LPP: variants seen among roughly 807,000 people sequenced by gnomAD.
The protein encoded by LPP is LIM domain containing preferred translocation partner in lipoma.
LPP carries 38 observed loss-of-function variants against 60.4 expected under a neutral mutation model. The observed-to-expected ratio is 0.63, with a 90% CI of 0.49 to 0.83. LPP has a LOEUF of 0.83. LPP is among the 40% of genes least tolerant of loss of function. The pLI, the probability that LPP is intolerant of heterozygous loss-of-function variation, is 0.00. For synonymous variants in LPP, 328 were observed against 290.8 expected (o/e 1.13, Z -1.30); for missense variants, 902 against 783.6 (o/e 1.15, Z -1.80).
At chr3:188,722,138 A>G (rs1716666936) in intron 8 of LPP, among the ~76,000 whole-genome samples, 1 of 152,152 alleles carries the variant, frequency 6.6e-6, no homozygotes, top group Non-Finnish European at 1.5e-5. Flanking sequence ...CCTGAGGTTT[A>G]TGAGAGGGTC....
At chr3:188,378,665 T>G (rs899820159) in intron 3 of LPP, among the ~76,000 whole-genome samples, 1 of 152,128 alleles carries the variant, frequency 6.6e-6, no homozygotes, top group African/African-American at 2.4e-5. Context: ...AATTCCTGGG[T>G]GAGGTGATGC....
chr3:188,612,333 C>T (rs1164571831), intron 7 of LPP, among the ~76,000 whole-genome samples: 1 of 152,096 alleles, frequency 6.6e-6, no homozygotes, highest in Non-Finnish European at 1.5e-5. Context: ...GGGTGGGTTC[C>T]TTCACAGTTG....
chr3:188,422,876 A>G (rs1057320823), intron 4 of LPP, among the ~76,000 whole-genome samples: 2 of 145,936 alleles, frequency 1.4e-5, no homozygotes, highest in African/African-American at 5.2e-5. Context: ...AGGTTACGCT[A>G]ATGTTCCTTA....
At chr3:188,349,203 A>T (rs948616720) in intron 3 of LPP, among the ~76,000 whole-genome samples, 5 of 152,200 alleles carry the variant, frequency 3.3e-5, no homozygotes, top group Admixed American at 1.3e-4. Flanking sequence ...AAAAAAATTT[A>T]AAAAGCCTGA....
At chr3:188,289,254 A>G (rs1304126085) in intron 2 of LPP, among the ~76,000 whole-genome samples, 1 of 152,190 alleles carries the variant, frequency 6.6e-6, no homozygotes, top group Non-Finnish European at 1.5e-5. Flanking sequence ...TGTTTTACAG[A>G]CTAGCTCAGA....
chr3:188,634,456 C>T (rs528813129), intron 7 of LPP, among the ~76,000 whole-genome samples: 33 of 152,288 alleles, frequency 2.2e-4, no homozygotes, highest in Non-Finnish European at 4.1e-4. Context: ...GCCCAACCCC[C>T]GGGCCATGGA....
intron 6 of LPP, among the ~76,000 whole-genome samples, chr3:188,603,153 T>TA (rs1361021202): frequency 2.0e-5 from 3 of 151,998 alleles, no homozygotes; most frequent in Non-Finnish European, 4.4e-5. Flanking sequence ...GCTGCCTTTT[T>TA]AACAGAGTAA....
chr3:188,274,526 A>G (rs1022106529), intron 2 of LPP, among the ~76,000 whole-genome samples: 5 of 152,288 alleles, frequency 3.3e-5, no homozygotes, highest in African/African-American at 1.2e-4. Flanking sequence ...TGGTGCCTTT[A>G]TCAACTTGTC....
chr3:188,724,218 G>A (rs943623858), intron 8 of LPP, among the ~76,000 whole-genome samples: 5 of 152,012 alleles, frequency 3.3e-5, no homozygotes, highest in East Asian at 1.9e-4. Flanking sequence ...TAATTTTCCC[G>A]GAATCTAGTA....
intron 8 of LPP, among the ~76,000 whole-genome samples, chr3:188,745,502 C>G (rs1178322876): frequency 3.3e-5 from 5 of 152,158 alleles, no homozygotes. Flanking sequence ...GCACTTCTGT[C>G]TTACTGCTCT....
At chr3:188,777,451 T>C (rs570932424) in intron 9 of LPP, among the ~76,000 whole-genome samples, 4 of 152,308 alleles carry the variant, frequency 2.6e-5, no homozygotes, top group Admixed American at 2.0e-4. Flanking sequence ...CATCAGTATT[T>C]GGGAAACTCA....
chr3:188,673,555 T>C (rs568682670), intron 7 of LPP, among the ~76,000 whole-genome samples: 27 of 152,234 alleles, frequency 1.8e-4, no homozygotes, highest in Non-Finnish European at 3.2e-4. Context: ...TTTTAAAACA[T>C]TATGGGTAGG....
intron 1 of LPP, among the ~76,000 whole-genome samples, chr3:188,164,209 A>G (rs928008135): frequency 9.2e-5 from 14 of 152,168 alleles, no homozygotes; most frequent in Non-Finnish European, 1.9e-4. Context: ...TTAGACCAGG[A>G]TTCAGCAGGC....
rs746634512 is a variant in LPP, at chr3:188,879,924, T to C, written c.*5445T>C. ...AAGGACACTAATTTCCTTTTCTATT[T>C]AATTTTCCTGGCCCTTGTGCAAAAA... On this transcript the variant is annotated 3_prime_UTR_variant, in exon 12 of 12. Transcript: ENST00000617246. 1.7e-3 allele frequency: 303 copies of C among 182,324 alleles called. 2 individuals are homozygous for C. The highest frequency in any genetic ancestry group is 2.7e-3 in the Non-Finnish European group (235 of 85,580). The allele number at this position is 182,324 out of a possible 1,614,324, so 11.3% of individuals were successfully genotyped here.
At chr3:188,236,265 G>T (rs1344957830) in intron 2 of LPP, among the ~76,000 whole-genome samples, 1 of 152,130 alleles carries the variant, frequency 6.6e-6, no homozygotes, top group African/African-American at 2.4e-5. Context: ...TGAAGAGTAG[G>T]GAGGACACAA....
chr3:188,250,720 T>C (rs1577564991), intron 2 of LPP, among the ~76,000 whole-genome samples: 2 of 142,352 alleles, frequency 1.4e-5, no homozygotes, highest in East Asian at 2.2e-4. Context: ...TTTTCTTTCT[T>C]TCTCTCTTTC....
Position 188,306,710 on chromosome 3 carries a change from C to A in LPP, c.-66-34953C>A, listed in dbSNP as rs916828421. 2.0e-5 allele frequency among the ~76,000 whole-genome samples: 3 copies of A among 152,252 alleles called. No homozygotes were observed. The East Asian group carries it at 5.8e-4, about 29-fold the overall frequency. ...GAATGGGAGGTGCTCAAGAGGGCAT[C>A]CTCTCTGAAAGGGGTGACAGCCGCT... On this transcript the variant is annotated intron_variant, in intron 2 of 11. Transcript: ENST00000617246.
chr3:188,794,919 C>A (rs907052447), intron 9 of LPP, among the ~76,000 whole-genome samples: 2 of 152,038 alleles, frequency 1.3e-5, no homozygotes, highest in African/African-American at 4.8e-5. Context: ...AGGAGGATCA[C>A]GAGGTCAGGA....
chr3:188,367,106 C>T (rs1187940103), intron 3 of LPP, among the ~76,000 whole-genome samples: 2 of 152,034 alleles, frequency 1.3e-5, no homozygotes, highest in African/African-American at 2.4e-5. Flanking sequence ...CCATGTTAGC[C>T]AGGATGGTCT....
Sources: gnomAD v4.1 joint callset for allele counts (sites outside exome capture counted in the v4.1 genomes callset) on GRCh38, gnomAD v4.1.1 for gene constraint, MANE v1.5 for transcripts, NCBI Gene and HGNC (gene_info 2026-07-23, HGNC 2026-07-21) for gene names.